PAH: variants seen among roughly 807,000 people sequenced by gnomAD.
PAH encodes the protein phenylalanine-4-hydroxylase.
Under a neutral mutation model 62.0 loss-of-function variants are expected in PAH, and 64 were observed. That is an observed-to-expected ratio of 1.03 (90% CI 0.84 to 1.27). The LOEUF is 1.27. Among genes scored for constraint, PAH ranks in the 50% most tolerant of loss-of-function variants. The pLI is 0.00. For synonymous variants in PAH, 195 were observed against 196.2 expected (o/e 0.99, Z 0.05); for missense variants, 579 against 542.8 (o/e 1.07, Z -0.66).
rs551062875 is a variant in PAH, at chr12:102,916,907, T to G, written c.60+164A>C. On this transcript the variant is annotated intron_variant, in intron 1 of 12. Coordinates refer to ENST00000553106, the MANE Select transcript of PAH (RefSeq NM_000277.3). ...ATGTTCTCCTACTTAGAAACAATTG[T>G]TGAGGACATTTGTCTGTTGACTTCC... Among the ~76,000 whole-genome samples the G allele has an allele frequency of 8.5e-5, 13 of 152,336 alleles. No individual in the cohort carries two copies. In the South Asian group the frequency reaches 2.5e-3, roughly 29 times the overall value.
intron 1 of PAH, among the ~76,000 whole-genome samples, chr12:102,939,627 T>C (rs1879221535): frequency 6.6e-6 from 1 of 152,096 alleles, no homozygotes. Context: ...AGCCCAGTCT[T>C]TCTTCACTGT....
intron 1 of PAH, among the ~76,000 whole-genome samples, chr12:102,916,013 G>A (rs374633717): frequency 1.3e-5 from 2 of 151,984 alleles, no homozygotes; most frequent in Non-Finnish European, 2.9e-5. Flanking sequence ...TGTGGGGACC[G>A]TATTGCCAGC....
intron 3 of PAH, chr12:102,886,275 C>T (rs1031855178): frequency 4.6e-5 from 7 of 152,092 alleles, no homozygotes; most frequent in African/African-American, 1.7e-4. Context: ...ATCCCCAAAC[C>T]AGATGAATAA....
At chr12:102,935,820 T>C (rs1455830517) in intron 1 of PAH, among the ~76,000 whole-genome samples, 36 of 152,070 alleles carry the variant, frequency 2.4e-4, no homozygotes, top group Non-Finnish European at 7.4e-5. Context: ...GCTGATTTTG[T>C]TTACCTTTTC....
At chr12:102,902,799 G>T (rs952315965) in intron 2 of PAH, among the ~76,000 whole-genome samples, 5 of 152,058 alleles carry the variant, frequency 3.3e-5, no homozygotes, top group African/African-American at 9.7e-5. Flanking sequence ...CCATCTTTTG[G>T]GATCTCACTC....
intron 3 of PAH, among the ~76,000 whole-genome samples, chr12:102,882,469 A>T (rs575195996): frequency 1.3e-5 from 2 of 152,092 alleles, no homozygotes; most frequent in Non-Finnish European, 1.5e-5. Context: ...ATTGCTTTAT[A>T]AGAACAACAT....
intron 8 of PAH, among the ~76,000 whole-genome samples, chr12:102,851,062 CT>C (rs1403323670): frequency 6.8e-6 from 1 of 146,660 alleles, no homozygotes; most frequent in Non-Finnish European, 1.5e-5. Flanking sequence ...CCAGTCCAGC[CT>C]GGGTGACAGA....
At chr12:102,866,454 C>T (rs966308548) in intron 5 of PAH, 142 bp downstream of exon 5, 25 of 738,652 alleles carry the variant, frequency 3.4e-5, no homozygotes, top group Admixed American at 5.8e-5. Context: ...CACACATACA[C>T]GCATGCACAT....
chr12:102,922,722 C>T (rs1878588155), intron 1 of PAH, among the ~76,000 whole-genome samples: 1 of 152,152 alleles, frequency 6.6e-6, no homozygotes, highest in Non-Finnish European at 1.5e-5. Context: ...TATCATTTTA[C>T]ACATGTGTAA....
intron 2 of PAH, among the ~76,000 whole-genome samples, chr12:102,895,854 C>CAAA (rs780516168): frequency 4.2e-4 from 44 of 104,990 alleles, no homozygotes; most frequent in African/African-American, 1.4e-3. Flanking sequence ...GACTCTGTCT[C>CAAA]AAAAAAAAAA....
chr12:102,858,764 T>C (rs1021183475), intron 5 of PAH, among the ~76,000 whole-genome samples: 1 of 152,238 alleles, frequency 6.6e-6, no homozygotes, highest in Non-Finnish European at 1.5e-5. Context: ...AAAGACGTTC[T>C]TTGAAACCAA....
At chr12:102,908,206 A>C (rs1023000680) in intron 2 of PAH, among the ~76,000 whole-genome samples, 63 of 132,730 alleles carry the variant, frequency 4.7e-4, no homozygotes, top group African/African-American at 9.7e-4. Flanking sequence ...CCTCCCTACC[A>C]CCCCCTGCAG....
Position 102,957,336 on chromosome 12 carries a change from C to T in PAH, c.-96+859G>A, listed in dbSNP as rs917647569. Among the ~76,000 whole-genome samples the T allele has an allele frequency of 6.6e-6, 1 of 152,150 alleles. No individual in the cohort carries two copies. The highest frequency in any genetic ancestry group is 2.4e-5 in the African/African-American group (1 of 41,434). On this transcript the variant is annotated intron_variant, in intron 1 of 4. Coordinates refer to the PAH transcript ENST00000551337. The surrounding 1 kb of genome is among the most constrained non-coding windows in gnomAD (Gnocchi z 4.1). ...GCCATTTGTCCCTCCTGTGACGCCC[C>T]CCACCCCCTTCCTAAAGCCACCCCC...
In PAH at chr12:102,852,872, A is replaced by C. The variant is rs281865445; in HGVS notation, c.785T>G (p.Val262Gly). ...TCTGATGTACTGTGTGCAGTGGAAG[A>C]CTCGGAAGGCCAGGCCACCCAAGAA... is the stretch of plus-strand genomic sequence containing the variant. ...RDFLGGLAFR[V>G]FHCTQYIRHG... is the part of the protein sequence containing the mutation. The change falls in exon 7 of 13, where the codon GTC (valine) becomes GGC (glycine). Residue 262 changes from valine (V) to glycine (G), a missense_variant. Val to Gly is a moderately radical substitution (Grantham distance 109). Coordinates refer to ENST00000553106, the MANE Select transcript of PAH (RefSeq NM_000277.3). The C allele has an allele frequency of 6.2e-7, 1 of 1,614,002 alleles. No homozygotes were observed. The highest frequency in any genetic ancestry group is 8.5e-7 in the Non-Finnish European group (1 of 1,179,988).
intron 3 of PAH, among the ~76,000 whole-genome samples, chr12:102,885,624 A>G (rs1877007105): frequency 6.6e-6 from 1 of 152,214 alleles, no homozygotes; most frequent in Non-Finnish European, 1.5e-5. Context: ...GTCGGGGTCA[A>G]CTGCTCAGCC....
At position 102,933,141 on chromosome 12, in the gene PAH, C is replaced by T. The variant is rs1387413760; in HGVS notation, c.-95-15916G>A. 2.6e-5 allele frequency among the ~76,000 whole-genome samples: 4 copies of T among 152,258 alleles called. No individual in the cohort carries two copies. The East Asian group carries it at 7.7e-4, about 29-fold the overall frequency. On this transcript the variant is annotated intron_variant, in intron 1 of 3. Transcript: ENST00000546844. ...TTCACCACCACACTATCCTTCTCAG[C>T]CTCTGGTACCCATTGTTCTTCTCTC... is the stretch of plus-strand genomic sequence containing the variant.
chr12:102,917,001 C>T (rs565864267), intron 1 of PAH, 70 bp downstream of exon 1: 281 of 1,333,330 alleles, frequency 2.1e-4, no homozygotes, highest in Non-Finnish European at 3.7e-5. Flanking sequence ...GAAGCACCAG[C>T]AGTCTTCGGA....
At chr12:102,840,305 C>T in intron 12 of PAH, 95 bp downstream of exon 12, 1 of 808,186 alleles carries the variant, frequency 1.2e-6, no homozygotes, top group Non-Finnish European at 2.1e-6. Context: ...TTAAATATTT[C>T]AATAAATTTA....
chr12:102,924,854 A>G (rs2136742128), intron 1 of PAH, among the ~76,000 whole-genome samples: 1 of 152,182 alleles, frequency 6.6e-6, no homozygotes, highest in South Asian at 2.1e-4. Flanking sequence ...CATGTTGCCT[A>G]TTGTGCCCTG....
Sources: allele counts gnomAD v4.1 joint callset (sites outside exome capture counted in the v4.1 genomes callset), GRCh38; gene constraint gnomAD v4.1.1; non-coding constraint Gnocchi (gnomAD v3.1); transcripts MANE v1.5; gene names NCBI Gene and HGNC (gene_info 2026-07-23, HGNC 2026-07-21).